ZNF365: variants seen among roughly 807,000 people sequenced by gnomAD.
ZNF365 encodes protein ZNF365.
ZNF365 carries 22 observed loss-of-function variants against 35.0 expected under a neutral mutation model. The observed-to-expected ratio is 0.63, with a 90% CI of 0.45 to 0.90. ZNF365 has a LOEUF of 0.90. ZNF365 is among the 40% of genes least tolerant of loss of function. The pLI is 0.00. For missense variants in ZNF365, 448 were observed against 500.3 expected (o/e 0.90, Z 1.00); for synonymous variants, 188 against 196.2 (o/e 0.96, Z 0.35).
At chr10:62,419,392 G>A (rs1840130613) in intron 3 of ZNF365, among the ~76,000 whole-genome samples, 1 of 151,084 alleles carries the variant, frequency 6.6e-6, no homozygotes, top group African/African-American at 2.4e-5. Flanking sequence ...AATTTAAAGG[G>A]TTTATTTGAG....
At chr10:62,465,337 C>A (rs568513677) in intron 4 of ZNF365, among the ~76,000 whole-genome samples, 2 of 152,268 alleles carry the variant, frequency 1.3e-5, no homozygotes, top group African/African-American at 4.8e-5. Flanking sequence ...TTGGTGCAGG[C>A]CTGCAGGTGC....
chr10:62,389,552 T>C (rs1320795792), intron 3 of ZNF365, among the ~76,000 whole-genome samples: 1 of 152,190 alleles, frequency 6.6e-6, no homozygotes, highest in South Asian at 2.1e-4. Context: ...TTGGTTGATT[T>C]AAAAGTTTAC....
At chr10:62,442,357 G>A (rs1445232997) in intron 3 of ZNF365, among the ~76,000 whole-genome samples, 1 of 152,214 alleles carries the variant, frequency 6.6e-6, no homozygotes, top group Non-Finnish European at 1.5e-5. Flanking sequence ...AAGCCAGAGT[G>A]TAAATTCCAT....
chr10:62,450,657 C>A (rs1015012343), intron 3 of ZNF365, among the ~76,000 whole-genome samples: 2 of 152,178 alleles, frequency 1.3e-5, no homozygotes, highest in African/African-American at 2.4e-5. Context: ...AGAAACAGAA[C>A]AACCAAGACA....
Position 62,401,018 on chromosome 10 carries a change from G to A in ZNF365, c.*1229G>A. On this transcript the variant is annotated 3_prime_UTR_variant, in exon 5 of 5. Transcript: ENST00000395254. ...CTGCTGTATGATTTTCCTCAAGAAT[G>A]AATTTCCATGTTATTTTTTCCTTAA... 1 of 985,450 alleles carries A rather than the reference G, an allele frequency of 1.0e-6. No homozygotes were observed. Among genetic ancestry groups the A allele is most frequent in the Non-Finnish European group, 1.2e-6 (1 of 829,900 alleles). The allele number at this position is 985,450 out of a possible 1,614,324, so 61.0% of individuals were successfully genotyped here.
chr10:62,442,277 G>C (rs754146532), intron 3 of ZNF365, among the ~76,000 whole-genome samples: 7 of 152,146 alleles, frequency 4.6e-5, no homozygotes, highest in Non-Finnish European at 7.4e-5. Context: ...AGAATTTAAA[G>C]AGCCAGGATC....
chr10:62,380,120 C>CT (rs1839412595), intron 2 of ZNF365, among the ~76,000 whole-genome samples: 1 of 152,234 alleles, frequency 6.6e-6, no homozygotes, highest in African/African-American at 2.4e-5. Context: ...CTGAGGCCAT[C>CT]TATAGGCTGA....
intron 1 of ZNF365, chr10:62,375,847 C>G (rs1839314589): frequency 4.4e-6 from 1 of 226,404 alleles, no homozygotes; most frequent in Admixed American, 5.2e-5. Flanking sequence ...TGTTACCCAC[C>G]TTTTTGATTC....
chr10:62,454,267 A>G (rs1840727950), intron 3 of ZNF365, among the ~76,000 whole-genome samples: 1 of 152,206 alleles, frequency 6.6e-6, no homozygotes, highest in Non-Finnish European at 1.5e-5. Context: ...AAGTCTGTAC[A>G]ATATGACAAT....
intron 3 of ZNF365, among the ~76,000 whole-genome samples, chr10:62,422,988 A>G (rs1036780621): frequency 1.3e-5 from 2 of 152,172 alleles, no homozygotes; most frequent in African/African-American, 2.4e-5. Flanking sequence ...CTGAGGAAGG[A>G]AATATTTGGG....
Position 62,401,558 on chromosome 10 carries a change from T to A in ZNF365, c.*1769T>A. 1 of 985,160 alleles carries A rather than the reference T, an allele frequency of 1.0e-6. No individual in the cohort carries two copies. Among genetic ancestry groups the A allele is most frequent in the Non-Finnish European group, 1.2e-6 (1 of 829,538 alleles). The allele number at this position is 985,160 out of a possible 1,614,324, so 61.0% of individuals were successfully genotyped here. On this transcript the variant is annotated 3_prime_UTR_variant, in exon 5 of 5. Transcript: ENST00000395254. The stretch of plus-strand genomic sequence containing the variant: ...GCAAAAACATTGCTGTGAATAGCAC[T>A]GTTTAGGCTAACATTGTAAAAATTG...
intron 3 of ZNF365, among the ~76,000 whole-genome samples, chr10:62,428,672 A>T (rs1441866143): frequency 6.6e-6 from 1 of 152,174 alleles, no homozygotes; most frequent in African/African-American, 2.4e-5. Context: ...TCTAGGGCAC[A>T]CTGAGGCATC....
intron 3 of ZNF365, among the ~76,000 whole-genome samples, chr10:62,413,068 A>G (rs1422543829): frequency 1.3e-5 from 2 of 152,192 alleles, no homozygotes; most frequent in African/African-American, 2.4e-5. Flanking sequence ...CTGTATAGCA[A>G]TGGTTCTAAA....
intron 3 of ZNF365, among the ~76,000 whole-genome samples, chr10:62,428,628 G>A (rs942082005): frequency 3.3e-5 from 5 of 152,158 alleles, no homozygotes; most frequent in Non-Finnish European, 5.9e-5. Flanking sequence ...AGCAGCATGA[G>A]AGCGGACTAA....
intron 3 of ZNF365, among the ~76,000 whole-genome samples, chr10:62,409,847 G>T (rs1401139674): frequency 6.6e-6 from 1 of 152,100 alleles, no homozygotes; most frequent in African/African-American, 2.4e-5. Flanking sequence ...ATGCAACAGT[G>T]GGTACAGGAG....
chr10:62,472,298 C>T (rs1482666798), intron 4 of ZNF365, among the ~76,000 whole-genome samples: 1 of 152,164 alleles, frequency 6.6e-6, no homozygotes, highest in Non-Finnish European at 1.5e-5. Context: ...GAATAAATCT[C>T]CAGAAAGCGT....
At chr10:62,375,558 C>T (rs530897859) in intron 1 of ZNF365, 4 of 152,526 alleles carry the variant, frequency 2.6e-5, no homozygotes, top group Admixed American at 6.5e-5. Flanking sequence ...AGGCTTAATG[C>T]CACTGTGCAT....
chr10:62,471,783 T>C (rs1841043356), intron 4 of ZNF365, among the ~76,000 whole-genome samples: 1 of 152,216 alleles, frequency 6.6e-6, no homozygotes, highest in Non-Finnish European at 1.5e-5. Context: ...AAAACATTAT[T>C]TTGAATTTTT....
chr10:62,445,280 G>A (rs961238612), intron 3 of ZNF365, among the ~76,000 whole-genome samples: 9 of 150,684 alleles, frequency 6.0e-5, no homozygotes, highest in African/African-American at 2.0e-4. Context: ...TAGTCCTTTG[G>A]GTATATACCC....
Sources: allele counts gnomAD v4.1 joint callset (sites outside exome capture counted in the v4.1 genomes callset), GRCh38; gene constraint gnomAD v4.1.1; transcripts MANE v1.5; gene names NCBI Gene and HGNC (gene_info 2026-07-23, HGNC 2026-07-21).